Variants in LCN2 observed in about 807,000 individuals in gnomAD.
LCN2 encodes neutrophil gelatinase-associated lipocalin.
In LCN2, 27 loss-of-function variants were observed where a neutral mutation model predicts 26.4. The observed-to-expected ratio is 1.02, with a 90% CI of 0.76 to 1.41. The LOEUF is 1.41. Ranked by LOEUF, LCN2 falls within the 40% of genes most tolerant of loss-of-function variation. The pLI is 0.00. For synonymous variants in LCN2, 94 were observed against 98.9 expected (o/e 0.95, Z 0.30); for missense variants, 224 against 237.6 (o/e 0.94, Z 0.38).
In LCN2 at chr9:128,150,252, G is replaced by A; in HGVS notation, c.153G>A (p.Trp51Ter). ...NFQDNQFQGKWYVVGLAGNAI... is the reference protein window; with the variant it reads ...NFQDNQFQGK ...GTCCCTTGCAGTTCCAGGGGAAGTG[G>A]TATGTGGTAGGCCTGGCAGGGAATG... Residue 51 changes from tryptophan (W) to a stop codon, truncating the protein, a stop_gained, in exon 2 of 7, where the codon TGG (tryptophan) becomes TGA (stop). Transcript: ENST00000277480. LOFTEE classifies it high-confidence loss of function. 1.2e-6 allele frequency: 2 copies of A among 1,613,968 alleles called. No individual in the cohort carries two copies. The highest frequency in any genetic ancestry group is 4.5e-5 in the East Asian group (2 of 44,884).
At chr9:128,152,609 C>T (rs531686376) in intron 5 of LCN2, among the ~76,000 whole-genome samples, 1 of 152,308 alleles carries the variant, frequency 6.6e-6, no homozygotes, top group Admixed American at 6.5e-5. Flanking sequence ...CCCTCCCAGG[C>T]CCCCTTGTTC....
rs1265583768 is a variant in LCN2 at position 128,153,058 on chromosome 9, A to T, written c.578-42A>T. On this transcript the variant is annotated intron_variant, in intron 5 of 6. Transcript: ENST00000277480. This position sits in a 1 kb window ranked among gnomAD's most constrained non-coding sequence, Gnocchi z 5.4. The stretch of plus-strand genomic sequence containing the variant: ...CACACACACACTCATACACGCACAC[A>T]CACACACAGCTGCCTGTTCTGACGG... 4 of 1,613,856 alleles carry T rather than the reference A, an allele frequency of 2.5e-6. No individual in the cohort carries two copies. The highest frequency in any genetic ancestry group is 1.7e-5 in the Admixed American group (1 of 60,024).
chr9:128,151,825 C>A (rs537466053), intron 3 of LCN2, 81 bp from the exon 4 acceptor site: 9 of 1,588,108 alleles, frequency 5.7e-6, no homozygotes, highest in Non-Finnish European at 7.8e-6. Context: ...GAGAAGCCCA[C>A]GTTGATGGGC....
intron 3 of LCN2, 76 bp from the exon 4 acceptor site, chr9:128,151,830 A>G (rs943272085): frequency 9.0e-6 from 14 of 1,548,212 alleles, no homozygotes; most frequent in African/African-American, 1.4e-5. Flanking sequence ...GCCCACGTTG[A>G]TGGGCTGGGG....
In LCN2 at chr9:128,152,276, T is replaced by A. The variant is rs767777427; in HGVS notation, c.569T>A (p.Val190Asp). Residue 190 changes from valine to aspartate, a missense_variant, in exon 5 of 7, where the codon GTC (valine) becomes GAC (aspartate). By Grantham distance (152) the Val-to-Asp change is radical. Coordinates refer to ENST00000277480, the MANE Select transcript of LCN2 (RefSeq NM_005564.5). ...GLPENHIVFP[V>D]PIDQCIDG Reference sequence around the variant, plus strand: ...CCTGAAAACCACATCGTCTTCCCTGTCCCAATCGGTAATGGCCAGTCTGGA... The same window carrying A: ...CCTGAAAACCACATCGTCTTCCCTGACCCAATCGGTAATGGCCAGTCTGGA... The A allele has an allele frequency of 1.4e-5, 22 of 1,613,738 alleles. No individual in the cohort carries two copies. In the East Asian group the frequency reaches 4.9e-4, roughly 36 times the overall value.
In LCN2 at chr9:128,149,597, C is replaced by T. The variant is rs1834985007; in HGVS notation, c.72C>T (p.Thr24=). The change falls in exon 1 of 7, where the codon ACC becomes ACT. Residue 24 remains threonine, a synonymous_variant. Coordinates refer to ENST00000277480, the MANE Select transcript of LCN2 (RefSeq NM_005564.5). ...GALHAQAQDS[T]SDLIPAPPLS... ...TGCATGCCCAGGCCCAGGACTCCAC[C>T]TCAGACCTGATCCCAGCCCCACCTC... 6.2e-7 allele frequency: 1 copy of T among 1,613,868 alleles called. No homozygotes were observed. Among genetic ancestry groups the T allele is most frequent in the Admixed American group, 1.7e-5 (1 of 60,000 alleles).
chr9:128,151,972 T>C lies in LCN2; in HGVS notation c.422T>C (p.Val141Ala). The change falls in exon 4 of 7, where the codon GTG becomes GCG. Residue 141 changes from valine (V) to alanine (A), a missense_variant. Transcript: ENST00000277480. ...VSTNYNQHAM[V>A]FFKKVSQNRE... ...ACCAACTACAACCAGCATGCTATGG[T>C]GTTCTTCAAGAAAGTTTCTCAAAAC... 1 of 1,614,128 alleles carries C rather than the reference T, an allele frequency of 6.2e-7. No individual in the cohort carries two copies. Among genetic ancestry groups the C allele is most frequent in the Non-Finnish European group, 8.5e-7 (1 of 1,180,004 alleles).
At chr9:128,152,756 G>A (rs956087844) in intron 5 of LCN2, among the ~76,000 whole-genome samples, 1 of 152,184 alleles carries the variant, frequency 6.6e-6, no homozygotes, top group Non-Finnish European at 1.5e-5. Flanking sequence ...TTGGGCAGGA[G>A]GCTCCAGCCA....
At chr9:128,151,329 G>T (rs12006030) in intron 2 of LCN2, 56 of 560,716 alleles carry the variant, frequency 1.0e-4, no homozygotes, top group African/African-American at 1.3e-4. Flanking sequence ...TGGGTGGCGG[G>T]GGGGGTGAAA....
chr9:128,150,738 C>T, intron 2 of LCN2: 1 of 442,054 alleles, frequency 2.3e-6, no homozygotes, highest in Non-Finnish European at 4.5e-6. Context: ...GTGTTCCCGG[C>T]AGGGGCTGGA....
Position 128,153,094 on chromosome 9 carries a change from T to C in LCN2, c.578-6T>C. The stretch of plus-strand genomic sequence containing the variant: ...TGCCTGTTCTGACGGACTTTCTCCC[T>C]AACAGACCAGTGTATCGACGGCTGA... On this transcript the variant is annotated splice_polypyrimidine_tract_variant and splice_region_variant and intron_variant, in intron 5 of 6. Transcript: ENST00000277480. The surrounding 1 kb of genome is among the most constrained non-coding windows in gnomAD (Gnocchi z 5.4). 1.9e-6 allele frequency: 3 copies of C among 1,614,100 alleles called. No individual in the cohort carries two copies. The highest frequency in any genetic ancestry group is 2.5e-6 in the Non-Finnish European group (3 of 1,179,994).
chr9:128,153,126 AGT>A lies in LCN2; in HGVS notation c.*7+2_*7+3del. 1 of 1,614,080 alleles carries A rather than the reference AGT, an allele frequency of 6.2e-7. No homozygotes were observed. On this transcript the variant is annotated splice_donor_variant, in intron 6 of 6. Coordinates refer to ENST00000277480, the MANE Select transcript of LCN2 (RefSeq NM_005564.5). LOFTEE classifies it low-confidence loss of function (3UTR_SPLICE). This position sits in a 1 kb window ranked among gnomAD's most constrained non-coding sequence, Gnocchi z 5.4. ...CCAGTGTATCGACGGCTGAGTGCACAGTGAGTGTGGCTGGGCGGCTGCGAGGG... is the reference window on the plus strand; with the variant it reads ...CCAGTGTATCGACGGCTGAGTGCACAGAGTGTGGCTGGGCGGCTGCGAGGG...
intron 2 of LCN2, chr9:128,150,675 C>T (rs1834997791): frequency 8.8e-6 from 5 of 568,298 alleles, no homozygotes; most frequent in Non-Finnish European, 1.3e-5. Flanking sequence ...TCATGGAAGG[C>T]TTCCAGGGAG....
chr9:128,152,248 C>T lies in LCN2; in HGVS notation c.541C>T (p.Leu181Phe). 6.2e-7 allele frequency: 1 copy of T among 1,614,100 alleles called. No individual in the cohort carries two copies. The highest frequency in any genetic ancestry group is 8.5e-7 in the Non-Finnish European group (1 of 1,180,014). ...NFIRFSKSLG[L>F]PENHIVFPVP... Reference sequence around the variant, plus strand: ...CATCCGCTTCTCCAAATCTCTGGGCCTCCCTGAAAACCACATCGTCTTCCC... The same window carrying T: ...CATCCGCTTCTCCAAATCTCTGGGCTTCCCTGAAAACCACATCGTCTTCCC... Residue 181 changes from leucine (L) to phenylalanine (F), a missense_variant, in exon 5 of 7, where the codon CTC (leucine) becomes TTC (phenylalanine). Transcript: ENST00000277480.
chr9:128,151,935 C>T lies in LCN2; in HGVS notation c.385C>T (p.Arg129Ter), dbSNP rs756180761. The T allele has an allele frequency of 1.2e-5, 19 of 1,613,974 alleles. No individual in the cohort carries two copies. The Admixed American group carries it at 1.8e-4, about 16-fold the overall frequency. ...SYPGLTSYLV[R>*]VVSTNYNQHA... is the part of the protein sequence containing the mutation. ...CCCTGGATTAACGAGTTACCTCGTC[C>T]GAGTGGTGAGCACCAACTACAACCA... is the stretch of plus-strand genomic sequence containing the variant. The change falls in exon 4 of 7, where the codon CGA becomes TGA. Residue 129 changes from arginine (R) to a stop codon, truncating the protein, a stop_gained. Transcript: ENST00000277480. LOFTEE classifies it high-confidence loss of function.
chr9:128,152,204 C>T lies in LCN2; in HGVS notation c.497C>T (p.Ser166Leu), dbSNP rs368254779. Reference protein sequence around the residue: ...TLYGRTKELTSELKENFIRFS... With the variant: ...TLYGRTKELTLELKENFIRFS... ...ACAGGGAGAACCAAGGAGCTGACTT[C>T]GGAACTAAAGGAGAACTTCATCCGC... Residue 166 changes from serine to leucine, a missense_variant, in exon 5 of 7, where the codon TCG becomes TTG. Transcript: ENST00000277480. 32 of 1,613,982 alleles carry T rather than the reference C, an allele frequency of 2.0e-5. No homozygotes were observed. The highest frequency in any genetic ancestry group is 2.2e-5 in the East Asian group (1 of 44,894).
chr9:128,150,792 G>A (rs999617555), intron 2 of LCN2, among the ~76,000 whole-genome samples: 2 of 152,238 alleles, frequency 1.3e-5, no homozygotes, highest in Non-Finnish European at 2.9e-5. Flanking sequence ...GCCATCGCAG[G>A]GTCACCCTGA....
chr9:128,150,026 C>G (rs991002477), intron 1 of LCN2, among the ~76,000 whole-genome samples: 12 of 152,092 alleles, frequency 7.9e-5, no homozygotes, highest in Non-Finnish European at 1.5e-4. Context: ...CCCTGCCAGA[C>G]TCAGAACCGC....
chr9:128,151,789 C>T, intron 3 of LCN2, 72 bp downstream of exon 3: 3 of 1,589,466 alleles, frequency 1.9e-6, no homozygotes, highest in Non-Finnish European at 2.6e-6. Context: ...ACCTTCCTGC[C>T]CCTCCACACA....
Sources: gnomAD v4.1 joint callset for allele counts (sites outside exome capture counted in the v4.1 genomes callset) on GRCh38, gnomAD v4.1.1 for gene constraint, Gnocchi (gnomAD v3.1) non-coding constraint, MANE v1.5 for transcripts, NCBI Gene and HGNC (gene_info 2026-07-23, HGNC 2026-07-21) for gene names.